The following KCND2 variants were observed in gnomAD, a reference collection of about 807,000 sequenced individuals.
KCND2 encodes the protein A-type voltage-gated potassium channel KCND2.
A neutral mutation model predicts 54.4 loss-of-function variants in KCND2; 16 were observed. The observed-to-expected ratio is 0.29, with a 90% CI of 0.20 to 0.45. The LOEUF is 0.45. Ranked by LOEUF, KCND2 falls within the 20% of genes least tolerant of loss-of-function variation. The pLI is 1.00. For synonymous variants in KCND2, 317 were observed against 310.7 expected (o/e 1.02, Z -0.21); for missense variants, 486 against 824.2 (o/e 0.59, Z 5.02).
intron 1 of KCND2, among the ~76,000 whole-genome samples, chr7:120,396,144 G>A (rs1003187376): frequency 6.7e-6 from 1 of 149,270 alleles, no homozygotes; most frequent in South Asian, 2.1e-4. Flanking sequence ...GCTGGCAATT[G>A]CTTGTTTAAT....
At chr7:120,353,557 A>G (rs1332473631) in intron 1 of KCND2, among the ~76,000 whole-genome samples, 2 of 152,128 alleles carry the variant, frequency 1.3e-5, no homozygotes, top group African/African-American at 4.8e-5. Context: ...TAGGAAATGA[A>G]AGAAGAGCTT....
intron 1 of KCND2, among the ~76,000 whole-genome samples, chr7:120,499,709 A>G (rs1802904793): frequency 6.6e-6 from 1 of 152,122 alleles, no homozygotes; most frequent in Non-Finnish European, 1.5e-5. Flanking sequence ...TCCAGCATAC[A>G]TGTCATTGCC....
chr7:120,469,047 A>C (rs1802417975), intron 1 of KCND2, among the ~76,000 whole-genome samples: 1 of 152,096 alleles, frequency 6.6e-6, no homozygotes, highest in Non-Finnish European at 1.5e-5. Context: ...ACAACACAGT[A>C]CCTCTCATCC....
chr7:120,649,607 G>T (rs1456983410), intron 1 of KCND2, among the ~76,000 whole-genome samples: 1 of 152,078 alleles, frequency 6.6e-6, no homozygotes, highest in Non-Finnish European at 1.5e-5. Flanking sequence ...TTTTGATGGG[G>T]TTGTTTGTTT....
intron 1 of KCND2, among the ~76,000 whole-genome samples, chr7:120,706,300 C>A (rs1223946107): frequency 6.6e-6 from 1 of 152,092 alleles, no homozygotes; most frequent in Non-Finnish European, 1.5e-5. Flanking sequence ...TGTTTTAACC[C>A]ATTTTGTGCT....
At chr7:120,487,479 A>G (rs1802712076) in intron 1 of KCND2, among the ~76,000 whole-genome samples, 1 of 152,230 alleles carries the variant, frequency 6.6e-6, no homozygotes, top group Non-Finnish European at 1.5e-5. Flanking sequence ...ACTCTGGGAA[A>G]TAGAATGAAA....
rs999338887 is a variant in KCND2 at position 120,403,979 on chromosome 7, A to AT, written c.1115+128241dup. The stretch of plus-strand genomic sequence containing the variant: ...ATTTTTATTGTGAAATACAAACATG[A>AT]TTTTTTTTTCTGTAAAGCATATTCA... On this transcript the variant is annotated intron_variant, in intron 1 of 5. Coordinates refer to ENST00000331113, the MANE Select transcript of KCND2 (RefSeq NM_012281.3). Among the ~76,000 whole-genome samples, 472 of 151,594 alleles carry AT rather than the reference A, an allele frequency of 3.1e-3. 2 individuals carry two copies. The highest frequency in any genetic ancestry group is 0.011 in the African/African-American group (439 of 41,350).
At position 120,650,558 on chromosome 7, in the gene KCND2, G is replaced by A. The variant is rs574177247; in HGVS notation, c.1116-82345G>A. ...TTTTTAGCTTCTTTGCGATGGGTTC[G>A]AACTTCCTCCTTTAGCTCGGAGAAG... On this transcript the variant is annotated intron_variant, in intron 1 of 5. Coordinates refer to ENST00000331113, the MANE Select transcript of KCND2 (RefSeq NM_012281.3). Among the ~76,000 whole-genome samples, 4 of 143,290 alleles carry A rather than the reference G, an allele frequency of 2.8e-5. 1 individual carries two copies. In the South Asian group the frequency reaches 6.5e-4, roughly 23 times the overall value. The allele number at this position is 143,290 out of a possible 152,430, so 94.0% of individuals were successfully genotyped here.
At chr7:120,742,460 G>A in intron 3 of KCND2, 50 bp from the exon 4 acceptor site, 2 of 1,442,826 alleles carry the variant, frequency 1.4e-6, no homozygotes, top group Non-Finnish European at 9.8e-7. Context: ...CGAGGTTCGA[G>A]TTGTTTGCAA....
At chr7:120,484,745 G>C (rs1325275391) in intron 1 of KCND2, among the ~76,000 whole-genome samples, 1 of 149,498 alleles carries the variant, frequency 6.7e-6, no homozygotes, top group South Asian at 2.1e-4. Context: ...AGAATTTCTT[G>C]TGTAATGAAG....
chr7:120,397,453 T>C (rs1801170924), intron 1 of KCND2, among the ~76,000 whole-genome samples: 1 of 152,010 alleles, frequency 6.6e-6, no homozygotes, highest in Non-Finnish European at 1.5e-5. Context: ...AAGGATTGTT[T>C]CTTTATTCTG....
At chr7:120,576,084 C>G (rs1792428659) in intron 1 of KCND2, among the ~76,000 whole-genome samples, 1 of 152,044 alleles carries the variant, frequency 6.6e-6, no homozygotes, top group Non-Finnish European at 1.5e-5. Flanking sequence ...AAATTACCCC[C>G]CAAAAGTCAA....
intron 1 of KCND2, among the ~76,000 whole-genome samples, chr7:120,472,552 A>G (rs2116262959): frequency 7.0e-6 from 1 of 142,288 alleles, no homozygotes; most frequent in South Asian, 2.1e-4. Context: ...GATTGTTATG[A>G]GACTTTAAAT....
At chr7:120,420,655 T>C (rs1211269727) in intron 1 of KCND2, among the ~76,000 whole-genome samples, 2 of 152,130 alleles carry the variant, frequency 1.3e-5, no homozygotes, top group African/African-American at 4.8e-5. Flanking sequence ...CTGCTCAATC[T>C]GCAAGTAGAG....
Position 120,503,385 on chromosome 7 carries a change from T to TGAGAGAGAGAGAGAGAGA in KCND2, c.1115+227644_1115+227661dup, listed in dbSNP as rs58222636. On this transcript the variant is annotated intron_variant, in intron 1 of 5. Coordinates refer to ENST00000331113, the MANE Select transcript of KCND2 (RefSeq NM_012281.3). ...TGAGATTACAAATTAGTCTCTAGAGTGAGAGAGAGAGAGAGAGAGAGAGTT... is the reference window on the plus strand; with the variant it reads ...TGAGATTACAAATTAGTCTCTAGAGTGAGAGAGAGAGAGAGAGAGAGAGAGAGAGAGAGAGAGAGAGTT... 1.6e-4 allele frequency among the ~76,000 whole-genome samples: 24 copies of TGAGAGAGAGAGAGAGAGA among 146,670 alleles called. No individual in the cohort carries two copies. In the East Asian group the frequency reaches 2.8e-3, roughly 17 times the overall value.
intron 1 of KCND2, among the ~76,000 whole-genome samples, chr7:120,519,180 C>A (rs537206891): frequency 2.6e-5 from 4 of 151,788 alleles, no homozygotes; most frequent in Non-Finnish European, 4.4e-5. Context: ...ATACAAAAAA[C>A]AACAACAAAA....
intron 1 of KCND2, among the ~76,000 whole-genome samples, chr7:120,654,273 G>A (rs1791773890): frequency 1.3e-5 from 2 of 151,982 alleles, no homozygotes; most frequent in Non-Finnish European, 2.9e-5. Flanking sequence ...CATATTCATA[G>A]TCATATTTAA....
intron 1 of KCND2, among the ~76,000 whole-genome samples, chr7:120,487,530 A>G (rs914385910): frequency 1.3e-5 from 2 of 152,174 alleles, no homozygotes; most frequent in Non-Finnish European, 2.9e-5. Context: ...TGAGGCTCAT[A>G]GGACCCTCTT....
At chr7:120,604,794 CTTTCATGTAAGAACTAT>C (rs1792861102) in intron 1 of KCND2, among the ~76,000 whole-genome samples, 1 of 151,926 alleles carries the variant, frequency 6.6e-6, no homozygotes, top group Non-Finnish European at 1.5e-5. Context: ...GGTGCATCAT[CTTTCATGTAAGAACTAT>C]AAAAAGAAAA....
Sources: gnomAD v4.1 joint callset for allele counts (sites outside exome capture counted in the v4.1 genomes callset) on GRCh38, gnomAD v4.1.1 for gene constraint, MANE v1.5 for transcripts, NCBI Gene and HGNC (gene_info 2026-07-23, HGNC 2026-07-21) for gene names.